ZNF804B: variants seen among roughly 807,000 people sequenced by gnomAD.
The protein encoded by ZNF804B is zinc finger protein 804B, also known as zinc finger 804B.
In ZNF804B, 80 loss-of-function variants were observed where a neutral mutation model predicts 101.4. The observed-to-expected ratio is 0.79, with a 90% CI of 0.66 to 0.95. The LOEUF (loss-of-function observed/expected upper bound fraction) is 0.95, where lower values mean the gene tolerates loss of function less well. Ranked by LOEUF, ZNF804B falls within the 40% of genes least tolerant of loss-of-function variation. The pLI is 0.00. For missense variants in ZNF804B, 1,673 were observed against 1,561.9 expected (o/e 1.07, Z -1.20); for synonymous variants, 622 against 558.8 (o/e 1.11, Z -1.59).
At chr7:89,103,061 T>G (rs1368928347) in intron 1 of ZNF804B, among the ~76,000 whole-genome samples, 4 of 127,950 alleles carry the variant, frequency 3.1e-5, no homozygotes, top group African/African-American at 1.0e-4. Context: ...TTTTTTTTTT[T>G]TTTTTTTTTT....
chr7:89,091,544 A>G (rs757056243), intron 1 of ZNF804B, among the ~76,000 whole-genome samples: 42 of 152,216 alleles, frequency 2.8e-4, no homozygotes, highest in Admixed American at 3.3e-4. Flanking sequence ...GCAAAAGGGA[A>G]TGAAAGCATG....
At chr7:89,149,809 C>A (rs1032579698) in intron 1 of ZNF804B, among the ~76,000 whole-genome samples, 2 of 151,098 alleles carry the variant, frequency 1.3e-5, no homozygotes, top group Admixed American at 6.7e-5. Flanking sequence ...TGCAGGGATT[C>A]CTAAAATTAC....
chr7:89,110,424 A>G (rs1190749649), intron 1 of ZNF804B, among the ~76,000 whole-genome samples: 2 of 152,240 alleles, frequency 1.3e-5, no homozygotes, highest in East Asian at 3.8e-4. Context: ...CAAGTTAACT[A>G]GGTAGAGAGC....
intron 1 of ZNF804B, among the ~76,000 whole-genome samples, chr7:89,114,101 TAAAG>T (rs1347959217): frequency 1.3e-5 from 2 of 151,836 alleles, no homozygotes; most frequent in African/African-American, 2.4e-5. Context: ...AGCCAAAAAA[TAAAG>T]AAAAAAATAT....
At chr7:88,854,524 T>TTCCTTCCCTTCCCTTC (rs1562812887) in intron 1 of ZNF804B, among the ~76,000 whole-genome samples, 4 of 66,112 alleles carry the variant, frequency 6.1e-5, no homozygotes, top group African/African-American at 1.6e-4. Flanking sequence ...TTCCTTTCCT[T>TTCCTTCCCTTCCCTTC]CCTTTCCTTC....
intron 1 of ZNF804B, among the ~76,000 whole-genome samples, chr7:88,861,672 C>T (rs936749802): frequency 1.3e-5 from 2 of 152,090 alleles, no homozygotes; most frequent in African/African-American, 4.8e-5. Context: ...TATCTTCTAT[C>T]GTAGGTCTGC....
chr7:88,971,607 T>C (rs1200605756), intron 1 of ZNF804B, among the ~76,000 whole-genome samples: 1 of 151,622 alleles, frequency 6.6e-6, no homozygotes, highest in East Asian at 2.0e-4. Context: ...AATGTTAAGA[T>C]ATGGAGATAA....
chr7:89,023,169 G>A (rs545346072), intron 1 of ZNF804B, among the ~76,000 whole-genome samples: 1 of 152,138 alleles, frequency 6.6e-6, no homozygotes, highest in African/African-American at 2.4e-5. Flanking sequence ...GATGGGTGGT[G>A]GCCACTCTAG....
At chr7:88,854,073 A>G (rs1791490996) in intron 1 of ZNF804B, among the ~76,000 whole-genome samples, 1 of 152,178 alleles carries the variant, frequency 6.6e-6, no homozygotes, top group Non-Finnish European at 1.5e-5. Flanking sequence ...GTGAAAATTA[A>G]CATTTTAATA....
At chr7:88,895,003 A>T (rs1187191291) in intron 1 of ZNF804B, among the ~76,000 whole-genome samples, 1 of 152,196 alleles carries the variant, frequency 6.6e-6, no homozygotes. Context: ...TTAAGAAGTC[A>T]GGGTATACCT....
chr7:88,830,358 C>A lies in ZNF804B; in HGVS notation c.108+70274C>A, dbSNP rs575126571. Among the ~76,000 whole-genome samples the A allele has an allele frequency of 4.1e-4, 63 of 152,054 alleles. 5 individuals are homozygous for A. In the South Asian group the frequency reaches 0.013, roughly 32 times the overall value. ...GAAATTTAGCAAAAAAAAGAAATAT[C>A]CACCTGCTACACATATATAGACAAA... On this transcript the variant is annotated intron_variant, in intron 1 of 3. Coordinates refer to ENST00000333190, the MANE Select transcript of ZNF804B (RefSeq NM_181646.5).
intron 1 of ZNF804B, among the ~76,000 whole-genome samples, chr7:88,926,947 G>GGGGGGT (rs1554346853): frequency 2.0e-5 from 3 of 150,168 alleles, no homozygotes; most frequent in African/African-American, 7.3e-5. Flanking sequence ...GGGGAGCGGG[G>GGGGGGT]GGAAAGCTGT....
At chr7:89,243,359 T>C (rs1047425356) in intron 2 of ZNF804B, among the ~76,000 whole-genome samples, 1 of 151,792 alleles carries the variant, frequency 6.6e-6, no homozygotes, top group African/African-American at 2.4e-5. Context: ...TCTCTCTAGG[T>C]ATACATATTA....
intron 1 of ZNF804B, among the ~76,000 whole-genome samples, chr7:88,938,691 A>G (rs1434267227): frequency 1.3e-5 from 2 of 152,050 alleles, no homozygotes; most frequent in African/African-American, 4.8e-5. Context: ...GCAAAAGTGG[A>G]AGTCTCATCA....
intron 1 of ZNF804B, among the ~76,000 whole-genome samples, chr7:89,040,692 G>A (rs1348487280): frequency 6.6e-6 from 1 of 152,108 alleles, no homozygotes; most frequent in Non-Finnish European, 1.5e-5. Flanking sequence ...TTGTAATCCT[G>A]TGGACTTGCA....
intron 2 of ZNF804B, among the ~76,000 whole-genome samples, chr7:89,306,215 T>C (rs565954454): frequency 6.6e-6 from 1 of 152,114 alleles, no homozygotes. Context: ...GTTAATTGCA[T>C]AATCATATTA....
At chr7:88,768,322 A>G (rs1156980322) in intron 1 of ZNF804B, among the ~76,000 whole-genome samples, 1 of 152,240 alleles carries the variant, frequency 6.6e-6, no homozygotes, top group Admixed American at 6.5e-5. Flanking sequence ...AGAAGCCTCC[A>G]GAAAATTGGG....
intron 1 of ZNF804B, among the ~76,000 whole-genome samples, chr7:89,205,495 A>T (rs2109755): frequency 0.59 from 89,281 of 152,062 alleles, 26,722 homozygotes; most frequent in African/African-American, 0.63. Flanking sequence ...AAATACATTC[A>T]TTCCAAATGG....
At chr7:89,231,565 TC>T (rs1311940170) in intron 2 of ZNF804B, among the ~76,000 whole-genome samples, 5 of 152,068 alleles carry the variant, frequency 3.3e-5, no homozygotes, top group African/African-American at 1.2e-4. Flanking sequence ...ATATTGAGTC[TC>T]CCAATTTATA....
Sources: gnomAD v4.1 joint callset for allele counts (sites outside exome capture counted in the v4.1 genomes callset) on GRCh38, gnomAD v4.1.1 for gene constraint, MANE v1.5 for transcripts, NCBI Gene and HGNC (gene_info 2026-07-23, HGNC 2026-07-21) for gene names.